The following YTHDC2 variants were observed in gnomAD, a reference collection of about 807,000 sequenced individuals.
YTHDC2 encodes YTH N6-methyladenosine RNA binding protein C2, also known as 3'-5' RNA helicase YTHDC2.
YTHDC2 carries 45 observed loss-of-function variants against 174.9 expected under a neutral mutation model. That is an observed-to-expected ratio of 0.26 (90% CI 0.20 to 0.33). YTHDC2 has a LOEUF of 0.33. Among genes scored for constraint, YTHDC2 ranks in the 10% least tolerant of loss-of-function variants. YTHDC2 has a pLI of 1.00. For synonymous variants in YTHDC2, 657 were observed against 574.5 expected (o/e 1.14, Z -2.05); for missense variants, 1,650 against 1,723.7 (o/e 0.96, Z 0.76).
chr5:113,567,044 G>A, intron 21 of YTHDC2, 48 bp from the exon 22 acceptor site: 3 of 1,556,424 alleles, frequency 1.9e-6, no homozygotes, highest in Admixed American at 2.0e-5. Flanking sequence ...ATACACAAAA[G>A]TATCTTTTGC....
chr5:113,582,420 T>C (rs908504039), intron 25 of YTHDC2: 1 of 152,198 alleles, frequency 6.6e-6, no homozygotes, highest in African/African-American at 2.4e-5. Flanking sequence ...ATTATTTATG[T>C]AAAAAATATA....
intron 12 of YTHDC2, among the ~76,000 whole-genome samples, chr5:113,550,826 T>A (rs942604700): frequency 9.1e-4 from 139 of 152,188 alleles, no homozygotes; most frequent in African/African-American, 3.3e-3. Context: ...ACCAATCGAA[T>A]TAATTGTCTT....
intron 2 of YTHDC2, chr5:113,517,466 T>C (rs1459271784): frequency 4.6e-6 from 2 of 437,820 alleles, no homozygotes; most frequent in Non-Finnish European, 9.1e-6. Flanking sequence ...AGTAGCATAG[T>C]CATGTAAGAG....
chr5:113,581,643 G>T lies in YTHDC2; in HGVS notation c.3581G>T (p.Arg1194Met), dbSNP rs573049608. The change falls in exon 25 of 30, where the codon AGG becomes ATG. Residue 1194 changes from arginine (R) to methionine (M), a missense_variant. By Grantham distance (91) the Arg-to-Met change is moderately conservative. Around this residue, in one of 5 missense-constraint regions of YTHDC2, gnomAD observed 913 missense variants for 940.4 expected, o/e 0.97. Coordinates refer to ENST00000161863, the MANE Select transcript of YTHDC2 (RefSeq NM_022828.5). Reference protein sequence around the residue: ...SEELPLASSWRSNNSRKSSAD... With the variant: ...SEELPLASSWMSNNSRKSSAD... The stretch of plus-strand genomic sequence containing the variant: ...GAGCTTCCTTTGGCCTCATCTTGGA[G>T]GTCAAATAATAGTAGGAAAAGTTCA... The T allele has an allele frequency of 5.7e-5, 92 of 1,612,742 alleles. No homozygotes were observed. The highest frequency in any genetic ancestry group is 1.8e-4 in the Admixed American group (11 of 59,672).
intron 18 of YTHDC2, among the ~76,000 whole-genome samples, chr5:113,562,687 G>C (rs10079603): frequency 0.31 from 47,466 of 151,904 alleles, 9,895 homozygotes; most frequent in African/African-American, 0.58. Context: ...TCCTTAGATT[G>C]TTTCCCCTTA....
intron 23 of YTHDC2, among the ~76,000 whole-genome samples, chr5:113,568,309 T>C (rs1487586904): frequency 1.3e-5 from 2 of 152,246 alleles, no homozygotes; most frequent in East Asian, 1.9e-4. Context: ...TAGTATTTTA[T>C]ATTAATGACT....
intron 17 of YTHDC2, among the ~76,000 whole-genome samples, chr5:113,557,832 G>A (rs753402799): frequency 1.4e-4 from 21 of 152,080 alleles, no homozygotes; most frequent in Non-Finnish European, 2.4e-4. Context: ...GTATATTATT[G>A]GAGATGAAGG....
At chr5:113,539,458 ATATATGC>A (rs1298920398) in intron 8 of YTHDC2, among the ~76,000 whole-genome samples, 9 of 152,226 alleles carry the variant, frequency 5.9e-5, no homozygotes, top group Admixed American at 5.9e-4. Flanking sequence ...AGATAGAAGA[ATATATGC>A]TGGCTGCCCA....
intron 17 of YTHDC2, among the ~76,000 whole-genome samples, chr5:113,559,372 C>G (rs2112698651): frequency 1.3e-5 from 2 of 152,240 alleles, no homozygotes; most frequent in South Asian, 4.1e-4. Context: ...AAAGCCCCTA[C>G]CAGAGCAACA....
chr5:113,530,219 C>G (rs1416081106), intron 4 of YTHDC2, among the ~76,000 whole-genome samples: 1 of 152,022 alleles, frequency 6.6e-6, no homozygotes, highest in Non-Finnish European at 1.5e-5. Flanking sequence ...ATTTCCAGCT[C>G]AAATATAACT....
At chr5:113,534,464 A>G (rs1404957882) in intron 6 of YTHDC2, 57 bp downstream of exon 6, 4 of 1,474,562 alleles carry the variant, frequency 2.7e-6, no homozygotes, top group Non-Finnish European at 1.9e-6. Flanking sequence ...ATTTAAATAC[A>G]TATGCCGTTT....
intron 23 of YTHDC2, among the ~76,000 whole-genome samples, chr5:113,569,081 T>G (rs1777545983): frequency 6.6e-6 from 1 of 152,220 alleles, no homozygotes; most frequent in Non-Finnish European, 1.5e-5. Flanking sequence ...TGGTTTTGAA[T>G]TGCATTCCAG....
intron 2 of YTHDC2, among the ~76,000 whole-genome samples, chr5:113,518,923 C>T (rs561585959): frequency 6.6e-6 from 1 of 152,168 alleles, no homozygotes; most frequent in East Asian, 1.9e-4. Context: ...CCTCTGTTGT[C>T]CAGGCTGGAG....
chr5:113,549,819 T>C (rs1399469100), intron 12 of YTHDC2, among the ~76,000 whole-genome samples: 1 of 152,038 alleles, frequency 6.6e-6, no homozygotes, highest in African/African-American at 2.4e-5. Context: ...CTATCTCTTC[T>C]CCCTACCAGA....
At chr5:113,567,404 T>TTATATA (rs368320106) in intron 22 of YTHDC2, 107 bp downstream of exon 22, 362 of 287,516 alleles carry the variant, frequency 1.3e-3, no homozygotes, top group Admixed American at 2.5e-3. Flanking sequence ...AATTAATTAG[T>TTATATA]TATATATATA....
chr5:113,555,741 C>G (rs1208475646), intron 16 of YTHDC2, among the ~76,000 whole-genome samples: 2 of 152,180 alleles, frequency 1.3e-5, no homozygotes, highest in Admixed American at 1.3e-4. Context: ...TCCGTTCTCT[C>G]CAATCTTGAT....
At chr5:113,563,140 A>G (rs1471294903) in intron 18 of YTHDC2, among the ~76,000 whole-genome samples, 1 of 151,604 alleles carries the variant, frequency 6.6e-6, no homozygotes, top group African/African-American at 2.4e-5. Context: ...TGCCAATGGG[A>G]GCAATGGCAA....
chr5:113,589,408 A>AAAAATAT (rs368975720), intron 26 of YTHDC2, among the ~76,000 whole-genome samples: 1 of 123,242 alleles, frequency 8.1e-6, no homozygotes, highest in East Asian at 2.2e-4. Context: ...AAAAAAAAAA[A>AAAAATAT]ATATATATAT....
At chr5:113,576,120 C>G in intron 23 of YTHDC2, among the ~76,000 whole-genome samples, 1 of 151,814 alleles carries the variant, frequency 6.6e-6, no homozygotes, top group Admixed American at 6.6e-5. Context: ...TTTTAGGAAG[C>G]AGTTGGATAT....
Sources: allele counts gnomAD v4.1 joint callset (sites outside exome capture counted in the v4.1 genomes callset), GRCh38; gene constraint gnomAD v4.1.1; regional missense constraint gnomAD v4.1.1; transcripts MANE v1.5; gene names NCBI Gene and HGNC (gene_info 2026-07-23, HGNC 2026-07-21).